LRRD1: variants seen among roughly 807,000 people sequenced by gnomAD.
The protein encoded by LRRD1 is leucine rich repeats and death domain containing 1.
LRRD1 carries 49 observed loss-of-function variants against 69.5 expected under a neutral mutation model. The observed-to-expected ratio is 0.70, with a 90% CI of 0.56 to 0.89. LRRD1 has a LOEUF of 0.89. LRRD1 is among the 40% of genes least tolerant of loss of function. LRRD1 has a pLI of 0.00. For synonymous variants in LRRD1, 303 were observed against 338.9 expected, an observed-to-expected ratio of 0.89 and a Z score of 1.16; for missense variants, 853 against 956.0, an observed-to-expected ratio of 0.89 and a Z score of 1.42.
chr7:92,161,390 G>T lies in LRRD1; in HGVS notation c.1917+1896C>A, dbSNP rs192219921. Among the ~76,000 whole-genome samples, 3 of 152,364 alleles carry T rather than the reference G, an allele frequency of 2.0e-5. No individual in the cohort carries two copies. The East Asian group carries it at 5.8e-4, about 29-fold the overall frequency. On this transcript the variant is annotated intron_variant, in intron 2 of 5. Transcript: ENST00000458448. ...CAATGATGTTGCAAATATGTGGACT[G>T]TTGCCTTGGGCAGCCATTCACTTTG...
At chr7:92,149,357 T>A (rs184174386) in intron 4 of LRRD1, among the ~76,000 whole-genome samples, 58 of 152,360 alleles carry the variant, frequency 3.8e-4, no homozygotes, top group Middle Eastern at 3.4e-3. Flanking sequence ...GGATCATAAC[T>A]GATTGTTCTC....
rs571078191 is a variant in LRRD1 at position 92,161,142 on chromosome 7, T to C, written c.1918-1939A>G. ...GAGCTGTATGATGATGGAATTCATA[T>C]AGAAGGAAGGTTCCTTTTGGGCATC... On this transcript the variant is annotated intron_variant, in intron 2 of 5. Coordinates refer to ENST00000458448, the MANE Select transcript of LRRD1 (RefSeq NM_001161528.2). 5.8e-4 allele frequency among the ~76,000 whole-genome samples: 88 copies of C among 152,376 alleles called. 1 individual carries two copies. The highest frequency in any genetic ancestry group is 7.2e-4 in the Non-Finnish European group (49 of 68,034).
intron 4 of LRRD1, among the ~76,000 whole-genome samples, chr7:92,146,543 G>A (rs1036177622): frequency 2.0e-5 from 3 of 151,394 alleles, no homozygotes; most frequent in Non-Finnish European, 4.4e-5. Flanking sequence ...CTTGAACCGG[G>A]GAGGCGGAGG....
intron 3 of LRRD1, 44 bp from the exon 4 acceptor site, chr7:92,150,739 G>T (rs1820446364): frequency 7.4e-7 from 1 of 1,352,084 alleles, no homozygotes. Context: ...TTCTATAAAA[G>T]AAAACTATGG....
chr7:92,170,098 AAGAGAG>A (rs759446126), intron 1 of LRRD1, among the ~76,000 whole-genome samples: 1 of 150,446 alleles, frequency 6.6e-6, no homozygotes, highest in African/African-American at 2.4e-5. Flanking sequence ...GAAATAAAGA[AAGAGAG>A]AGAGAGAGGA....
intron 1 of LRRD1, among the ~76,000 whole-genome samples, chr7:92,168,349 T>C (rs1324501521): frequency 1.3e-5 from 2 of 152,272 alleles, no homozygotes; most frequent in Non-Finnish European, 2.9e-5. Context: ...GGAGTGCCTA[T>C]AGGAAGAAAT....
At chr7:92,177,699 T>A (rs1166098143) in intron 1 of LRRD1, among the ~76,000 whole-genome samples, 1 of 152,214 alleles carries the variant, frequency 6.6e-6, no homozygotes, top group Non-Finnish European at 1.5e-5. Context: ...GATGACAGAC[T>A]AATTATGCCA....
intron 3 of LRRD1, among the ~76,000 whole-genome samples, chr7:92,157,528 G>A (rs992881283): frequency 6.8e-6 from 1 of 146,032 alleles, no homozygotes; most frequent in Non-Finnish European, 1.5e-5. Context: ...TTTTAAATTG[G>A]CATTGTTTCT....
intron 3 of LRRD1, among the ~76,000 whole-genome samples, chr7:92,152,701 C>T (rs1337928597): frequency 2.0e-5 from 3 of 146,698 alleles, no homozygotes; most frequent in East Asian, 2.0e-4. Context: ...GATGGAGTCT[C>T]GCTCTGTTGC....
downstream of LRRD1, chr7:92,142,679 C>T: frequency 2.5e-6 from 1 of 401,822 alleles, no homozygotes; most frequent in South Asian, 1.9e-5. Context: ...GGAGTTTCTT[C>T]CTTCTGGTGG....
At chr7:92,173,224 C>G (rs904550269) in intron 1 of LRRD1, among the ~76,000 whole-genome samples, 11 of 152,174 alleles carry the variant, frequency 7.2e-5, no homozygotes, top group Admixed American at 3.3e-4. Context: ...AAATCTAAGA[C>G]CAGAAGCTAT....
At chr7:92,149,038 C>T (rs947148387) in intron 4 of LRRD1, among the ~76,000 whole-genome samples, 2 of 108,246 alleles carry the variant, frequency 1.8e-5, no homozygotes, top group African/African-American at 4.9e-5. Context: ...TGAGCCACCA[C>T]ACCTGGCCAA....
In LRRD1 at chr7:92,163,807, T is replaced by A; in HGVS notation, c.1396A>T (p.Ile466Leu). 6.7e-7 allele frequency: 1 copy of A among 1,500,916 alleles called. No individual in the cohort carries two copies. The highest frequency in any genetic ancestry group is 1.3e-5 in the South Asian group (1 of 74,576). 93.0% of individuals were successfully genotyped at this position (1,500,916 alleles called of 1,614,324 possible). ...VPIEIKNCQK[I>L]IKIELSYNKI... Reference sequence around the variant, plus strand: ...TTATAACTCAATTCAATTTTAATTATTTTTTGGCAGTTTTTTATTTCAATG... The same window carrying A: ...TTATAACTCAATTCAATTTTAATTAATTTTTGGCAGTTTTTTATTTCAATG... The change falls in exon 2 of 6, where the codon ATA becomes TTA. Residue 466 changes from isoleucine (I) to leucine (L), a missense_variant. By Grantham distance (5) the Ile-to-Leu change is conservative. Around this residue, in one of 3 missense-constraint regions of LRRD1, gnomAD observed 739 missense variants for 808.0 expected, o/e 0.91. Transcript: ENST00000458448.
intron 3 of LRRD1, among the ~76,000 whole-genome samples, chr7:92,158,694 T>C (rs1367059920): frequency 6.6e-6 from 1 of 151,818 alleles, no homozygotes; most frequent in Non-Finnish European, 1.5e-5. Context: ...TGACCTGAGG[T>C]TGTGTAGGTG....
intron 3 of LRRD1, among the ~76,000 whole-genome samples, chr7:92,152,717 CTGGAGTGCAGT>C (rs971698000): frequency 1.1e-4 from 17 of 151,022 alleles, no homozygotes; most frequent in Admixed American, 6.6e-5. Context: ...GTTGCCCACG[CTGGAGTGCAGT>C]GGCGTCACCT....
intron 1 of LRRD1, among the ~76,000 whole-genome samples, chr7:92,165,645 A>G (rs1788890666): frequency 6.6e-6 from 1 of 152,072 alleles, no homozygotes; most frequent in African/African-American, 2.4e-5. Context: ...GGATCACTTT[A>G]GGTCAGGAGT....
At chr7:92,159,309 G>T in intron 2 of LRRD1, 106 bp from the exon 3 acceptor site, 3 of 816,458 alleles carry the variant, frequency 3.7e-6, no homozygotes, top group Non-Finnish European at 5.3e-6. Context: ...TTTTGTTTTT[G>T]TCTTAAAAAG....
intron 2 of LRRD1, among the ~76,000 whole-genome samples, chr7:92,159,977 A>G (rs1788763065): frequency 1.3e-5 from 2 of 152,090 alleles, no homozygotes; most frequent in South Asian, 2.1e-4. Context: ...AAATGACATG[A>G]TACACATGTT....
At chr7:92,159,339 C>T (rs1788748742) in intron 2 of LRRD1, 136 bp from the exon 3 acceptor site, 5 of 627,104 alleles carry the variant, frequency 8.0e-6, no homozygotes, top group Non-Finnish European at 1.3e-5. Flanking sequence ...TATTATGTCA[C>T]AAATTCTTTG....
Sources: allele counts gnomAD v4.1 joint callset (sites outside exome capture counted in the v4.1 genomes callset), GRCh38; gene constraint gnomAD v4.1.1; regional missense constraint gnomAD v4.1.1; transcripts MANE v1.5; gene names NCBI Gene and HGNC (gene_info 2026-07-23, HGNC 2026-07-21).